STX1A: variants seen among roughly 807,000 people sequenced by gnomAD.
STX1A encodes syntaxin 1A.
Under a neutral mutation model 37.8 loss-of-function variants are expected in STX1A, and 4 were observed. The observed-to-expected ratio is 0.11, with a 90% CI of 0.05 to 0.24. The LOEUF is 0.24. Among genes scored for constraint, STX1A ranks in the 10% least tolerant of loss-of-function variants. STX1A has a pLI of 1.00. For missense variants in STX1A, 251 were observed against 399.9 expected (o/e 0.63, Z 3.18); for synonymous variants, 135 against 147.4 (o/e 0.92, Z 0.61).
rs1798595288 is a variant in STX1A at position 73,700,195 on chromosome 7, G to T, written c.*212C>A. On this transcript the variant is annotated 3_prime_UTR_variant, in exon 10 of 10. Coordinates refer to ENST00000222812, the MANE Select transcript of STX1A (RefSeq NM_004603.4). The surrounding 1 kb of genome is among the most constrained non-coding windows in gnomAD (Gnocchi z 4.4). The stretch of plus-strand genomic sequence containing the variant: ...CACGCCCCGCTGGCTGCCTCCCTCT[G>T]CCTCTTCCCGTACAGACGCACACTC... 1.6e-6 allele frequency: 1 copy of T among 609,474 alleles called. No individual in the cohort carries two copies. The highest frequency in any genetic ancestry group is 1.8e-5 in the African/African-American group (1 of 54,174). 37.8% of individuals were successfully genotyped at this position (609,474 alleles called of 1,614,324 possible).
intron 1 of STX1A, among the ~76,000 whole-genome samples, chr7:73,718,072 A>G (rs1799353043): frequency 6.6e-6 from 1 of 152,140 alleles, no homozygotes. Flanking sequence ...GCGCCTAAAC[A>G]TCAGCACATT....
Position 73,708,573 on chromosome 7 carries a change from C to T in STX1A, c.208+16G>A, listed in dbSNP as rs567428351. On this transcript the variant is annotated intron_variant, in intron 3 of 9. Transcript: ENST00000222812. ...CTTGTGGGGCCTGAAACCCGTCCCC[C>T]GCCCCACACACTCACTCTCATCGGG... 1.1e-5 allele frequency: 18 copies of T among 1,609,902 alleles called. No homozygotes were observed. The highest frequency in any genetic ancestry group is 1.6e-4 in the Middle Eastern group (1 of 6,062).
Position 73,717,254 on chromosome 7 carries a change from G to A in STX1A, c.30+2348C>T, listed in dbSNP as rs1222647157. Among the ~76,000 whole-genome samples the A allele has an allele frequency of 2.6e-5, 4 of 152,108 alleles. No individual in the cohort carries two copies. The highest frequency in any genetic ancestry group is 7.2e-5 in the African/African-American group (3 of 41,416). Reference sequence around the variant, plus strand: ...GGAGGGCTGGGAGCGGTGCACAGCCGCTGTCCCCAGCACCATCTCTGTTCA... The same window carrying A: ...GGAGGGCTGGGAGCGGTGCACAGCCACTGTCCCCAGCACCATCTCTGTTCA... On this transcript the variant is annotated intron_variant, in intron 1 of 9. Coordinates refer to ENST00000222812, the MANE Select transcript of STX1A (RefSeq NM_004603.4). The surrounding 1 kb of genome is among the most constrained non-coding windows in gnomAD (Gnocchi z 4.1).
At chr7:73,708,738 T>G (rs1554617482) in intron 2 of STX1A, 50 bp from the exon 3 acceptor site, 1 of 1,583,440 alleles carries the variant, frequency 6.3e-7, no homozygotes, top group African/African-American at 1.3e-5. Flanking sequence ...GGGAGAAGCC[T>G]TCTGGGGCCC....
intron 6 of STX1A, 82 bp from the exon 7 acceptor site, chr7:73,703,910 A>ACTGGGTGTGCCGGGGAGTTGGG: frequency 7.6e-7 from 1 of 1,320,582 alleles, no homozygotes; most frequent in Non-Finnish European, 9.8e-7. Flanking sequence ...CCTCCGTCCC[A>ACTGGGTGTGCCGGGGAGTTGGG]GGCCCGGGCT....
At chr7:73,716,220 T>G (rs1320950992) in intron 1 of STX1A, among the ~76,000 whole-genome samples, 1 of 152,254 alleles carries the variant, frequency 6.6e-6, no homozygotes, top group Non-Finnish European at 1.5e-5. Flanking sequence ...GGGCGAGCCC[T>G]GTCCGGCTCC....
intron 1 of STX1A, among the ~76,000 whole-genome samples, chr7:73,716,293 TGAG>T (rs1554618691): frequency 6.6e-6 from 1 of 152,218 alleles, no homozygotes; most frequent in Non-Finnish European, 1.5e-5. Context: ...ATTCTGCAGA[TGAG>T]GAAATGAGCA....
In STX1A at chr7:73,700,534, G is replaced by C. The variant is rs1374479553; in HGVS notation, c.790-50C>G. On this transcript the variant is annotated intron_variant, in intron 9 of 9. Coordinates refer to ENST00000222812, the MANE Select transcript of STX1A (RefSeq NM_004603.4). This position sits in a 1 kb window ranked among gnomAD's most constrained non-coding sequence, Gnocchi z 4.4. ...GCCTCAGACAGTGTTGGCGGCAGGT[G>C]GGGTGGGACTATGGCAAAGGCTGAG... The C allele has an allele frequency of 6.2e-7, 1 of 1,601,232 alleles. No homozygotes were observed. The highest frequency in any genetic ancestry group is 8.5e-7 in the Non-Finnish European group (1 of 1,172,284).
chr7:73,705,243 TG>T lies in STX1A; in HGVS notation c.209-20del. On this transcript the variant is annotated intron_variant, in intron 3 of 9. Coordinates refer to ENST00000222812, the MANE Select transcript of STX1A (RefSeq NM_004603.4). This position sits in a 1 kb window ranked among gnomAD's most constrained non-coding sequence, Gnocchi z 5.2. ...TTCGTCTCTGGGGAGGTAGAAAGGGTGGGGGTAGGCCTCCTAGGCTCCGCGG... is the reference window on the plus strand; with the variant it reads ...TTCGTCTCTGGGGAGGTAGAAAGGGTGGGGTAGGCCTCCTAGGCTCCGCGG... The T allele has an allele frequency of 6.2e-7, 1 of 1,611,244 alleles. No individual in the cohort carries two copies. The highest frequency in any genetic ancestry group is 8.5e-7 in the Non-Finnish European group (1 of 1,177,794).
At chr7:73,713,808 G>C (rs555353521) in intron 1 of STX1A, among the ~76,000 whole-genome samples, 2 of 152,364 alleles carry the variant, frequency 1.3e-5, no homozygotes, top group South Asian at 4.1e-4. Flanking sequence ...AATGCTTTCT[G>C]AGTGGCATTC....
intron 1 of STX1A, among the ~76,000 whole-genome samples, chr7:73,718,983 C>T (rs997537497): frequency 4.8e-4 from 73 of 150,936 alleles, no homozygotes; most frequent in Non-Finnish European, 9.6e-4. Context: ...ATACCTGGGG[C>T]GGGCAGTGGA....
intron 1 of STX1A, among the ~76,000 whole-genome samples, chr7:73,718,967 C>T (rs904061699): frequency 3.3e-5 from 5 of 152,016 alleles, no homozygotes; most frequent in African/African-American, 7.2e-5. Flanking sequence ...TGACGCCCCC[C>T]CCCCCATACC....
chr7:73,702,838 C>A lies in STX1A; in HGVS notation c.678+7G>T. 6.2e-7 allele frequency: 1 copy of A among 1,613,788 alleles called. No homozygotes were observed. Among genetic ancestry groups the A allele is most frequent in the Non-Finnish European group, 8.5e-7 (1 of 1,179,962 alleles). Reference sequence around the variant, plus strand: ...TGGAGTGGAGGGCAGGGGGGCCCGGCACTCACCTGGCTCTCCACGAGCATG... The same window carrying A: ...TGGAGTGGAGGGCAGGGGGGCCCGGAACTCACCTGGCTCTCCACGAGCATG... On this transcript the variant is annotated splice_region_variant and intron_variant, in intron 8 of 9. Transcript: ENST00000222812. The surrounding 1 kb of genome is among the most constrained non-coding windows in gnomAD (Gnocchi z 4.7).
chr7:73,700,838 T>C lies in STX1A; in HGVS notation c.681A>G (p.Gly227=), dbSNP rs782661524. The change falls in exon 9 of 10, where the codon GGA becomes GGG. Residue 227 remains glycine, a splice_region_variant and synonymous_variant. Coordinates refer to ENST00000222812, the MANE Select transcript of STX1A (RefSeq NM_004603.4). This position sits in a 1 kb window ranked among gnomAD's most constrained non-coding sequence, Gnocchi z 4.4. ...TGTACTCGATCCTGTCAATCATCTC[T>C]CCCTGCGGGGCCGGGGGCACCCGAG... The part of the protein sequence containing the change: ...MDMAMLVESQ[G]EMIDRIEYNV... 2 of 1,613,106 alleles carry C rather than the reference T, an allele frequency of 1.2e-6. No individual in the cohort carries two copies. Among genetic ancestry groups the C allele is most frequent in the Non-Finnish European group, 1.7e-6 (2 of 1,179,890 alleles).
chr7:73,700,203 C>T lies in STX1A; in HGVS notation c.*204G>A. The T allele has an allele frequency of 1.6e-6, 1 of 619,360 alleles. No individual in the cohort carries two copies. The highest frequency in any genetic ancestry group is 2.9e-6 in the Non-Finnish European group (1 of 348,314). 38.4% of individuals were successfully genotyped at this position (619,360 alleles called of 1,614,324 possible). A position where few individuals can be genotyped will look rare whatever the true frequency, so the allele number is the denominator to read the frequency against. ...GCTGGCTGCCTCCCTCTGCCTCTTC[C>T]CGTACAGACGCACACTCACAGAGAT... is the stretch of plus-strand genomic sequence containing the variant. On this transcript the variant is annotated 3_prime_UTR_variant, in exon 10 of 10. Transcript: ENST00000222812. This position sits in a 1 kb window ranked among gnomAD's most constrained non-coding sequence, Gnocchi z 4.4.
Position 73,700,580 on chromosome 7 carries a change from T to G in STX1A, c.790-96A>C. On this transcript the variant is annotated intron_variant, in intron 9 of 9. Transcript: ENST00000222812. This position sits in a 1 kb window ranked among gnomAD's most constrained non-coding sequence, Gnocchi z 4.4. ...CTGAGGACTGGACAGTCGGGGGGGATCCAAGCAGGGGAAGGTGACGGCCTG... is the reference window on the plus strand; with the variant it reads ...CTGAGGACTGGACAGTCGGGGGGGAGCCAAGCAGGGGAAGGTGACGGCCTG... The G allele has an allele frequency of 6.6e-7, 1 of 1,516,158 alleles. No homozygotes were observed. Among genetic ancestry groups the G allele is most frequent in the Non-Finnish European group, 9.0e-7 (1 of 1,114,044 alleles). 93.9% of individuals were successfully genotyped at this position (1,516,158 alleles called of 1,614,324 possible).
At chr7:73,716,863 G>A (rs1327554109) in intron 1 of STX1A, 1 of 152,434 alleles carries the variant, frequency 6.6e-6, no homozygotes, top group East Asian at 1.9e-4. Flanking sequence ...GGGGCTCCTG[G>A]GGATGCTCTA....
intron 1 of STX1A, among the ~76,000 whole-genome samples, chr7:73,718,265 A>G (rs1554619025): frequency 6.6e-6 from 1 of 152,154 alleles, no homozygotes; most frequent in Non-Finnish European, 1.5e-5. Flanking sequence ...TCGGCCAGGA[A>G]TAACAGGTCT....
intron 4 of STX1A, chr7:73,704,740 GC>G: frequency 1.9e-6 from 1 of 518,562 alleles, no homozygotes; most frequent in Non-Finnish European, 3.5e-6. Flanking sequence ...GAGGGACCAT[GC>G]CCACAGCGGG....
Sources: allele counts gnomAD v4.1 joint callset (sites outside exome capture counted in the v4.1 genomes callset), GRCh38; gene constraint gnomAD v4.1.1; non-coding constraint Gnocchi (gnomAD v3.1); transcripts MANE v1.5; gene names NCBI Gene and HGNC (gene_info 2026-07-23, HGNC 2026-07-21).